TNKS1BP1: variants seen among roughly 807,000 people sequenced by gnomAD.
The protein encoded by TNKS1BP1 is CCR4-NOT transcription complex subunit 12, also known as 182 kDa tankyrase-1-binding protein.
TNKS1BP1 carries 48 observed loss-of-function variants against 141.1 expected under a neutral mutation model. That is an observed-to-expected ratio of 0.34 (90% CI 0.27 to 0.43). TNKS1BP1 has a LOEUF of 0.43. Ranked by LOEUF, TNKS1BP1 falls within the 20% of genes least tolerant of loss-of-function variation. TNKS1BP1 has a pLI of 1.00. For missense variants in TNKS1BP1, 2,149 were observed against 2,226.0 expected, an observed-to-expected ratio of 0.97 and a Z score of 0.70; for synonymous variants, 875 against 898.2, an observed-to-expected ratio of 0.97 and a Z score of 0.46.
At chr11:57,317,430 ACTTACC>A (rs1400494629) in intron 4 of TNKS1BP1, among the ~76,000 whole-genome samples, 1 of 152,230 alleles carries the variant, frequency 6.6e-6, no homozygotes, top group Non-Finnish European at 1.5e-5. Flanking sequence ...AGCCTAAGTT[ACTTACC>A]CTTTGTGAGT....
At chr11:57,321,744 T>TGCCCCCCCCCA in intron 2 of TNKS1BP1, 48 bp downstream of exon 2, 1 of 1,039,820 alleles carries the variant, frequency 9.6e-7, no homozygotes, top group Non-Finnish European at 1.5e-6. Flanking sequence ...CCTCTGTCCT[T>TGCCCCCCCCCA]CCCACCCCCC....
intron 5 of TNKS1BP1, among the ~76,000 whole-genome samples, chr11:57,310,956 G>C (rs1855697966): frequency 6.6e-6 from 1 of 152,192 alleles, no homozygotes; most frequent in African/African-American, 2.4e-5. Flanking sequence ...GAGAGGTCAA[G>C]ATTCAAAGCC....
intron 6 of TNKS1BP1, among the ~76,000 whole-genome samples, chr11:57,304,957 T>C (rs1466551381): frequency 1.4e-5 from 2 of 146,166 alleles, no homozygotes; most frequent in African/African-American, 2.6e-5. Context: ...GCTCTGGAGG[T>C]GGCCTTGAGG....
intron 3 of TNKS1BP1, among the ~76,000 whole-genome samples, chr11:57,319,490 C>A (rs1380556761): frequency 2.0e-5 from 3 of 152,094 alleles, no homozygotes; most frequent in Admixed American, 6.5e-5. Flanking sequence ...CTTGGCCGGG[C>A]GTGGTGGCTC....
chr11:57,318,952 G>C (rs921498174), intron 3 of TNKS1BP1, among the ~76,000 whole-genome samples: 3 of 152,052 alleles, frequency 2.0e-5, no homozygotes, highest in Admixed American at 2.0e-4. Flanking sequence ...AGACCATCCT[G>C]GCTAACACAG....
In TNKS1BP1 at chr11:57,300,546, C is replaced by A. The variant is rs1355344217; in HGVS notation, c.5184G>T (p.Lys1728Asn). 5 of 1,613,386 alleles carry A rather than the reference C, an allele frequency of 3.1e-6. No homozygotes were observed. Among genetic ancestry groups the A allele is most frequent in the Middle Eastern group, 3.3e-4 (2 of 6,082 alleles). ...TCCTCACCTCAGTGACTTCTCAGAC[C>A]TTCTTCTTCTTCAGTTTCAGGGCTT... Reference protein sequence around the residue: ...WLQALKLKKKKV With the variant: ...WLQALKLKKKNV The change falls in exon 11 of 12, where the codon AAG becomes AAT. Residue 1728 changes from lysine (K) to asparagine (N), a missense_variant. Transcript: ENST00000358252.
chr11:57,320,018 CCCAAT>C, intron 3 of TNKS1BP1, 56 bp downstream of exon 3: 1 of 1,185,434 alleles, frequency 8.4e-7, no homozygotes, highest in Non-Finnish European at 1.2e-6. Flanking sequence ...CCAGCCCCCA[CCCAAT>C]CCCACCCCAC....
chr11:57,311,287 T>A (rs978596629), intron 5 of TNKS1BP1: 1 of 985,916 alleles, frequency 1.0e-6, no homozygotes, highest in Non-Finnish European at 1.2e-6. Context: ...CCGGCCAGCC[T>A]CATCCCTCAG....
rs746744046 is a variant in TNKS1BP1, at chr11:57,309,058, C to T, written c.3653G>A (p.Gly1218Glu). The T allele has an allele frequency of 5.0e-6, 8 of 1,614,080 alleles. No individual in the cohort carries two copies. The South Asian group carries it at 6.6e-5, about 13-fold the overall frequency. The change falls in exon 6 of 12, where the codon GGG (glycine) becomes GAG (glutamate). Residue 1218 changes from glycine (G) to glutamate (E), a missense_variant. By Grantham distance (98) the Gly-to-Glu change is moderately conservative (BLOSUM62 -2). Coordinates refer to ENST00000358252, the MANE Select transcript of TNKS1BP1 (RefSeq NM_033396.3). The surrounding 1 kb of genome is among the most constrained non-coding windows in gnomAD (Gnocchi z 4.3). The stretch of plus-strand genomic sequence containing the variant: ...GTCCTTCTCCCCAACTCCGATTCCC[C>T]CCGGCTCTTCAGACCCTCCACTTTC... Reference protein sequence around the residue: ...CLESGGSEEPGGIGVGEKDWT... With the variant: ...CLESGGSEEPEGIGVGEKDWT...
chr11:57,320,483 G>T lies in TNKS1BP1; in HGVS notation c.324C>A (p.Ser108=), dbSNP rs1382029600. ...PFAPRPAVEA[S]TGGEATQETG... is the part of the protein sequence containing the mutation. The stretch of plus-strand genomic sequence containing the variant: ...TCTCTTGGGTGGCTTCTCCTCCAGT[G>T]GAGGCCTCAACCGCAGGCCTTGGTG... The change falls in exon 3 of 12, where the codon TCC becomes TCA. Residue 108 remains serine, a synonymous_variant. Coordinates refer to ENST00000358252, the MANE Select transcript of TNKS1BP1 (RefSeq NM_033396.3). The T allele has an allele frequency of 1.2e-5, 19 of 1,608,766 alleles. No homozygotes were observed. The highest frequency in any genetic ancestry group is 1.5e-5 in the Non-Finnish European group (18 of 1,176,182).
At chr11:57,307,465 T>A (rs998510229) in intron 6 of TNKS1BP1, among the ~76,000 whole-genome samples, 2 of 151,814 alleles carry the variant, frequency 1.3e-5, no homozygotes, top group Non-Finnish European at 2.9e-5. Flanking sequence ...TCCTCCTCCA[T>A]CCCAAATGCC....
chr11:57,321,147 T>C (rs142302145), intron 2 of TNKS1BP1, among the ~76,000 whole-genome samples: 37 of 152,220 alleles, frequency 2.4e-4, no homozygotes, highest in African/African-American at 8.7e-4. Context: ...TTCTCTATCA[T>C]CCATAGTAAA....
intron 2 of TNKS1BP1, among the ~76,000 whole-genome samples, chr11:57,321,040 T>C (rs541449900): frequency 5.3e-5 from 8 of 152,338 alleles, no homozygotes; most frequent in African/African-American, 1.9e-4. Flanking sequence ...AAAGAATGAA[T>C]GAACAAATGA....
chr11:57,308,340 T>C (rs1354731715), intron 6 of TNKS1BP1, 55 bp downstream of exon 6: 4 of 1,539,068 alleles, frequency 2.6e-6, no homozygotes, highest in South Asian at 1.3e-5. Context: ...TTCCGATTTC[T>C]TGGACAGCCT....
chr11:57,313,051 TC>T lies in TNKS1BP1; in HGVS notation c.1636del (p.Asp546MetfsTer106). 1 of 1,613,700 alleles carries T rather than the reference TC, an allele frequency of 6.2e-7. No individual in the cohort carries two copies. The highest frequency in any genetic ancestry group is 1.3e-5 in the African/African-American group (1 of 75,016). On this transcript the variant is annotated frameshift_variant, in exon 5 of 12. Coordinates refer to ENST00000358252, the MANE Select transcript of TNKS1BP1 (RefSeq NM_033396.3). LOFTEE classifies it high-confidence loss of function. ...SGSGSSWVQGDDPSMSLTQKG... is the reference protein window; with the variant it reads ...SGSGSSWVQGXDPSMSLTQKG... ...CTGGGTGAGGGACATGCTTGGATCA[TC>T]CCCCTGCACCCAGGAACTTCCTGAC...
rs1411122220 is a variant in TNKS1BP1 at position 57,312,573 on chromosome 11, A to C, written c.2115T>G (p.Ala705=). 1 of 1,510,760 alleles carries C rather than the reference A, an allele frequency of 6.6e-7. No individual in the cohort carries two copies. Among genetic ancestry groups the C allele is most frequent in the East Asian group, 2.3e-5 (1 of 43,540 alleles). 93.6% of individuals were successfully genotyped at this position (1,510,760 alleles called of 1,614,324 possible). A position where few individuals can be genotyped will look rare whatever the true frequency, so the allele number is the denominator to read the frequency against. The change falls in exon 5 of 12, where the codon GCT becomes GCG. Residue 705 remains alanine (A), a synonymous_variant. Transcript: ENST00000358252. ...SGGGARRGAG[A]ELKDTQSPST... ...TTGGGGACTGTGTGTCCTTCAGCTC[A>C]GCTCCAGCTCCCCGCCTTGCACCGC...
chr11:57,307,279 C>A (rs1045804821), intron 6 of TNKS1BP1, among the ~76,000 whole-genome samples: 8 of 152,134 alleles, frequency 5.3e-5, no homozygotes, highest in Non-Finnish European at 5.9e-5. Context: ...CCCAGGACCA[C>A]AAGGGCCTCC....
At chr11:57,312,218 C>A (rs1246659208) in intron 5 of TNKS1BP1, among the ~76,000 whole-genome samples, 2 of 152,132 alleles carry the variant, frequency 1.3e-5, no homozygotes, top group East Asian at 3.9e-4. Flanking sequence ...CTTTCCACCT[C>A]GATTTACCCA....
rs1294810234 is a variant in TNKS1BP1 at position 57,313,028 on chromosome 11, G to C, written c.1660C>G (p.Gln554Glu). 6.2e-7 allele frequency: 1 copy of C among 1,613,938 alleles called. No individual in the cohort carries two copies. The highest frequency in any genetic ancestry group is 8.5e-7 in the Non-Finnish European group (1 of 1,180,026). ...GGTTGACTCTCCCCATCGCCCTTCT[G>C]GGTGAGGGACATGCTTGGATCATCC... is the stretch of plus-strand genomic sequence containing the variant. ...QGDDPSMSLT[Q>E]KGDGESQPQF... is the part of the protein sequence containing the mutation. Residue 554 changes from glutamine to glutamate, a missense_variant, in exon 5 of 12, where the codon CAG becomes GAG. By Grantham distance (29) the Gln-to-Glu change is conservative (BLOSUM62 2). Coordinates refer to ENST00000358252, the MANE Select transcript of TNKS1BP1 (RefSeq NM_033396.3).
Sources: allele counts gnomAD v4.1 joint callset (sites outside exome capture counted in the v4.1 genomes callset), GRCh38; gene constraint gnomAD v4.1.1; non-coding constraint Gnocchi (gnomAD v3.1); transcripts MANE v1.5; gene names NCBI Gene and HGNC (gene_info 2026-07-23, HGNC 2026-07-21).